PRICKLE3: variants seen among roughly 807,000 people sequenced by gnomAD.
PRICKLE3 encodes the protein LIM domain only protein 6.
Under a neutral mutation model 33.8 loss-of-function variants are expected in PRICKLE3, and 17 were observed. The ratio of observed to expected loss-of-function variants is 0.50; its 90% confidence interval spans 0.34 to 0.75. The LOEUF is 0.75. Ranked by LOEUF, PRICKLE3 falls within the 30% of genes least tolerant of loss-of-function variation. The pLI is 0.01. For missense variants in PRICKLE3, 573 were observed against 576.7 expected, an observed-to-expected ratio of 0.99 and a Z score of 0.07; for synonymous variants, 211 against 219.6, an observed-to-expected ratio of 0.96 and a Z score of 0.34.
chrX:49,181,386 GTGTA>G (rs1233754539), intron 3 of PRICKLE3, among the ~76,000 whole-genome samples: 9 of 87,724 alleles, frequency 1.0e-4, no homozygotes, highest in African/African-American at 4.1e-4. Context: ...ATATGTGTGT[GTGTA>G]TATATATATA....
intron 2 of PRICKLE3, 51 bp from the exon 3 acceptor site, chrX:49,183,968 C>T: frequency 8.6e-7 from 1 of 1,162,148 alleles, no homozygotes; most frequent in Non-Finnish European, 1.2e-6. Flanking sequence ...CCACCCGAAC[C>T]CCTCGGCAGC....
Position 49,178,059 on chromosome X carries a change from G to C in PRICKLE3, c.889C>G (p.Pro297Ala). 1 of 1,164,586 alleles carries C rather than the reference G, an allele frequency of 8.6e-7. No homozygotes were observed. Among genetic ancestry groups the C allele is most frequent in the Non-Finnish European group, 1.1e-6 (1 of 870,448 alleles). Residue 297 changes from proline (P) to alanine (A), a missense_variant, in exon 7 of 9, where the codon CCC (proline) becomes GCC (alanine). Transcript: ENST00000599218. Reference protein sequence around the residue: ...GQRYVMRQSRPHCCACYEARH... With the variant: ...GQRYVMRQSRAHCCACYEARH... ...GCCTCGTAGCAGGCGCAGCAGTGGG[G>C]GCGGCTCTGACGCATGACATAGCGC...
In PRICKLE3 at chrX:49,178,040, T is replaced by A; in HGVS notation, c.908A>T (p.Tyr303Phe). 1.7e-6 allele frequency: 2 copies of A among 1,155,989 alleles called. No individual in the cohort carries two copies. The highest frequency in any genetic ancestry group is 2.3e-6 in the Non-Finnish European group (2 of 867,678). ...RQSRPHCCACYEARHAEYCDG... is the reference protein window; with the variant it reads ...RQSRPHCCACFEARHAEYCDG... Reference sequence around the variant, plus strand: ...ACAGTACTCCGCGTGGCGGGCCTCGTAGCAGGCGCAGCAGTGGGGGCGGCT... The same window carrying A: ...ACAGTACTCCGCGTGGCGGGCCTCGAAGCAGGCGCAGCAGTGGGGGCGGCT... The change falls in exon 7 of 9, where the codon TAC (tyrosine) becomes TTC (phenylalanine). Residue 303 changes from tyrosine (Y) to phenylalanine (F), a missense_variant. Transcript: ENST00000599218.
At chrX:49,177,905 C>T in intron 7 of PRICKLE3, 88 bp downstream of exon 7, 2 of 1,006,937 alleles carry the variant, frequency 2.0e-6, no homozygotes, top group Non-Finnish European at 1.3e-6. Context: ...GAGGATGGGG[C>T]CTGGAGGACA....
Position 49,184,704 on chromosome X carries a change from C to T in PRICKLE3, c.49G>A (p.Glu17Lys). Residue 17 changes from glutamate to lysine, a missense_variant, in exon 2 of 9, where the codon GAG becomes AAG. Physicochemically the swap from Glu to Lys is moderately conservative, Grantham distance 56. Transcript: ENST00000599218. ...RRRRSGRAPP[E>K]AEDPDRGQPC... ...TGGCCCCGGTCTGGGTCCTCTGCCT[C>T]TGGAGGCTGCAGTGGGCGGGGGCAG... is the stretch of plus-strand genomic sequence containing the variant. 1.7e-6 allele frequency: 2 copies of T among 1,164,061 alleles called. No individual in the cohort carries two copies. Among genetic ancestry groups the T allele is most frequent in the Non-Finnish European group, 2.3e-6 (2 of 870,959 alleles).
rs149352820 is a variant in PRICKLE3 at position 49,175,680 on chromosome X, A to G, written c.1841T>C (p.Val614Ala). The change falls in exon 9 of 9, where the codon GTG becomes GCG. Residue 614 changes from valine to alanine, a missense_variant. Val to Ala is a moderately conservative substitution (Grantham distance 64). Coordinates refer to ENST00000599218, the MANE Select transcript of PRICKLE3 (RefSeq NM_006150.5). ...PRQARDKNCI[V>A]A ...CTCCAGGACGGCCTGCCTTCAAGCCACGATGCAGTTCTTGTCTCGGGCCTG... is the reference window on the plus strand; with the variant it reads ...CTCCAGGACGGCCTGCCTTCAAGCCGCGATGCAGTTCTTGTCTCGGGCCTG... 1 of 1,208,875 alleles carries G rather than the reference A, an allele frequency of 8.3e-7. No individual in the cohort carries two copies. Among genetic ancestry groups the G allele is most frequent in the African/African-American group, 1.7e-5 (1 of 57,839 alleles).
chrX:49,181,548 T>TGTAC (rs1491541909), intron 3 of PRICKLE3, among the ~76,000 whole-genome samples: 5 of 17,201 alleles, frequency 2.9e-4, no homozygotes, highest in Admixed American at 7.7e-4. Flanking sequence ...TATACGTATA[T>TGTAC]GTGTATATAT....
intron 1 of PRICKLE3, among the ~76,000 whole-genome samples, chrX:49,185,591 A>G (rs782168029): frequency 6.3e-5 from 7 of 110,785 alleles, no homozygotes; most frequent in Non-Finnish European, 1.1e-4. Flanking sequence ...CCTCCAAGGT[A>G]CTGTGTCCTT....
intron 5 of PRICKLE3, 129 bp from the exon 6 acceptor site, chrX:49,178,604 G>A (rs1778189782): frequency 3.0e-6 from 2 of 674,487 alleles, no homozygotes; most frequent in East Asian, 7.1e-5. Context: ...CCCCACCCAT[G>A]GGGTAACTTT....
chrX:49,176,878 G>A, intron 8 of PRICKLE3, 25 bp downstream of exon 8: 1 of 1,166,139 alleles, frequency 8.6e-7, no homozygotes. Context: ...GGCTGTGGCT[G>A]GGTGTGGCTA....
chrX:49,180,292 A>G (rs1200466101), intron 3 of PRICKLE3, among the ~76,000 whole-genome samples: 1 of 110,681 alleles, frequency 9.0e-6, no homozygotes, highest in Non-Finnish European at 1.9e-5. Flanking sequence ...TTGGCCTCCC[A>G]AAGTGCTGGG....
At chrX:49,181,006 A>G (rs1438080754) in intron 3 of PRICKLE3, among the ~76,000 whole-genome samples, 5 of 109,729 alleles carry the variant, frequency 4.6e-5, no homozygotes, top group Admixed American at 3.0e-4. Context: ...CAGTTAATCT[A>G]CCTATCCTCA....
At chrX:49,184,553 C>G in intron 2 of PRICKLE3, 72 bp downstream of exon 2, 1 of 945,591 alleles carries the variant, frequency 1.1e-6, no homozygotes, top group East Asian at 3.6e-5. Flanking sequence ...AGGGGCGTGG[C>G]GTAAGGCTCC....
intron 1 of PRICKLE3, 26 bp from the exon 2 acceptor site, chrX:49,184,736 G>A (rs1557101660): frequency 8.6e-7 from 1 of 1,161,496 alleles, no homozygotes; most frequent in African/African-American, 1.8e-5. Flanking sequence ...GCAGATGCAG[G>A]GCCGGGTGAG....
Position 49,175,704 on chromosome X carries a change from T to G in PRICKLE3, c.1817A>C (p.Gln606Pro). The part of the protein sequence containing the change: ...PRDSRAGMPR[Q>P]ARDKNCIVA ...CACGATGCAGTTCTTGTCTCGGGCC[T>G]GACGAGGCATCCCTGCGCGAGAGTC... is the stretch of plus-strand genomic sequence containing the variant. The change falls in exon 9 of 9, where the codon CAG (glutamine) becomes CCG (proline). Residue 606 changes from glutamine (Q) to proline (P), a missense_variant. Transcript: ENST00000599218. 1 of 1,211,216 alleles carries G rather than the reference T, an allele frequency of 8.3e-7. No homozygotes were observed. Among genetic ancestry groups the G allele is most frequent in the Non-Finnish European group, 1.1e-6 (1 of 895,232 alleles).
chrX:49,183,812 G>T lies in PRICKLE3; in HGVS notation c.234C>A (p.Arg78=). ...IMCRLISDFQ[R]HSISDDDSGC... Reference sequence around the variant, plus strand: ...CTGAGTCGTCGTCGGAGATGGAGTGGCGCTGGAAGTCCGAGATTAGCCGAC... The same window carrying T: ...CTGAGTCGTCGTCGGAGATGGAGTGTCGCTGGAAGTCCGAGATTAGCCGAC... Residue 78 remains arginine (R), a synonymous_variant, in exon 3 of 9, where the codon CGC becomes CGA. Transcript: ENST00000599218. 8.3e-7 allele frequency: 1 copy of T among 1,211,623 alleles called. No individual in the cohort carries two copies. Among genetic ancestry groups the T allele is most frequent in the Non-Finnish European group, 1.1e-6 (1 of 895,441 alleles).
rs1557100188 is a variant in PRICKLE3 at position 49,177,038 on chromosome X, C to A, written c.1120G>T (p.Ala374Ser). ...RACSLGSEPT[A>S]PGPSRRSWSA... Reference sequence around the variant, plus strand: ...CAGCTGCGGCGGCTCGGCCCTGGAGCTGTGGGCTCGGACCCAAGGCTGCAG... The same window carrying A: ...CAGCTGCGGCGGCTCGGCCCTGGAGATGTGGGCTCGGACCCAAGGCTGCAG... Residue 374 changes from alanine to serine, a missense_variant, in exon 8 of 9, where the codon GCT becomes TCT. Coordinates refer to ENST00000599218, the MANE Select transcript of PRICKLE3 (RefSeq NM_006150.5). 4.1e-6 allele frequency: 5 copies of A among 1,206,024 alleles called. No individual in the cohort carries two copies. Among genetic ancestry groups the A allele is most frequent in the Non-Finnish European group, 5.6e-6 (5 of 892,314 alleles).
Position 49,184,631 on chromosome X carries a change from C to A in PRICKLE3, c.122G>T (p.Gly41Val). 2.7e-6 allele frequency: 3 copies of A among 1,104,704 alleles called. No individual in the cohort carries two copies. Among genetic ancestry groups the A allele is most frequent in the Non-Finnish European group, 3.6e-6 (3 of 839,623 alleles). 91.0% of individuals were successfully genotyped at this position (1,104,704 alleles called of 1,213,427 possible). A position where few individuals can be genotyped will look rare whatever the true frequency, so the allele number is the denominator to read the frequency against. ...REQCPGFLLH[G>V]WRKICQHCKC... ...CTTTAGGGGCGCCACTTACCTCCAG[C>A]CGTGGAGCAGGAAGCCAGGGCACTG... Residue 41 changes from glycine to valine, a missense_variant, in exon 2 of 9, where the codon GGC (glycine) becomes GTC (valine). Transcript: ENST00000599218.
At chrX:49,179,539 G>T in intron 4 of PRICKLE3, 151 bp from the exon 5 acceptor site, 1 of 960,621 alleles carries the variant, frequency 1.0e-6, no homozygotes, top group Non-Finnish European at 1.5e-6. Context: ...CCAAGGCCCA[G>T]CTGTGGTTTT....
Sources: gnomAD v4.1 joint callset for allele counts (sites outside exome capture counted in the v4.1 genomes callset) on GRCh38, gnomAD v4.1.1 for gene constraint, MANE v1.5 for transcripts, NCBI Gene and HGNC (gene_info 2026-07-23, HGNC 2026-07-21) for gene names.